The following KANK1 variants were observed in gnomAD, a reference collection of about 807,000 sequenced individuals.
KANK1 encodes the protein KN motif and ankyrin repeat domain-containing protein 1.
A neutral mutation model predicts 106.2 loss-of-function variants in KANK1; 109 were observed. The observed-to-expected ratio is 1.03, with a 90% CI of 0.88 to 1.20. The LOEUF (loss-of-function observed/expected upper bound fraction) is 1.20, where lower values mean the gene tolerates loss of function less well. Ranked by LOEUF, KANK1 falls within the 50% of genes most tolerant of loss-of-function variation. KANK1 has a pLI of 0.00. For synonymous variants in KANK1, 873 were observed against 652.2 expected (o/e 1.34, Z -5.16); for missense variants, 2,399 against 1,710.7 (o/e 1.40, Z -7.10).
intron 8 of KANK1, among the ~76,000 whole-genome samples, chr9:739,240 CTT>C (rs975019828): frequency 4.6e-5 from 7 of 152,142 alleles, no homozygotes; most frequent in African/African-American, 1.7e-4. Context: ...GACCCCAAGT[CTT>C]TTAATTTTTG....
At chr9:624,188 C>T (rs1295132103) in intron 1 of KANK1, among the ~76,000 whole-genome samples, 1 of 152,104 alleles carries the variant, frequency 6.6e-6, no homozygotes, top group Non-Finnish European at 1.5e-5. Flanking sequence ...GTTGAATCCA[C>T]AAGCCAAGAG....
At chr9:705,140 T>C (rs1033815616) in intron 2 of KANK1, among the ~76,000 whole-genome samples, 2 of 152,102 alleles carry the variant, frequency 1.3e-5, no homozygotes, top group African/African-American at 4.8e-5. Context: ...CACTAATATT[T>C]AACGAACAAC....
rs749299248 is a variant in KANK1, at chr9:710,842, G to A, written c.76G>A (p.Glu26Lys). 1 of 1,610,918 alleles carries A rather than the reference G, an allele frequency of 6.2e-7. No individual in the cohort carries two copies. Residue 26 changes from glutamate (E) to lysine (K), a missense_variant, in exon 3 of 12, where the codon GAA becomes AAA. By Grantham distance (56) the Glu-to-Lys change is moderately conservative. Coordinates refer to ENST00000382297, the MANE Select transcript of KANK1 (RefSeq NM_015158.5). ...TATTCTCAGTGGAGACCAGGACAAG[G>A]AACAGAAAGACCCTTACTTTGTGGA... Reference protein sequence around the residue: ...GDILSGDQDKEQKDPYFVETP... With the variant: ...GDILSGDQDKKQKDPYFVETP...
chr9:510,280 A>T (rs2058973398), intron 1 of KANK1, among the ~76,000 whole-genome samples: 1 of 152,198 alleles, frequency 6.6e-6, no homozygotes, highest in South Asian at 2.1e-4. Context: ...AATTTTCTTT[A>T]TATGGTCCTG....
intron 1 of KANK1, among the ~76,000 whole-genome samples, chr9:514,188 C>G (rs1183166427): frequency 1.1e-4 from 10 of 89,694 alleles, no homozygotes; most frequent in Admixed American, 5.5e-4. Flanking sequence ...TCCTCTCTCC[C>G]TCCCTTCCTC....
At chr9:635,585 T>C (rs7026147) in intron 1 of KANK1, among the ~76,000 whole-genome samples, 35,991 of 152,058 alleles carry the variant, frequency 0.24, 4,311 homozygotes, top group East Asian at 0.34. Flanking sequence ...TGTTCCCTTT[T>C]TATTATTAGA....
At chr9:617,129 T>C (rs1362882671) in intron 1 of KANK1, among the ~76,000 whole-genome samples, 1 of 152,182 alleles carries the variant, frequency 6.6e-6, no homozygotes, top group Non-Finnish European at 1.5e-5. Context: ...TTTTCATTCT[T>C]GCAAGGAATC....
intron 1 of KANK1, among the ~76,000 whole-genome samples, chr9:664,602 A>G (rs1204551753): frequency 3.9e-5 from 6 of 152,096 alleles, no homozygotes; most frequent in African/African-American, 1.4e-4. Context: ...TTGATTCCAT[A>G]TTTTGTCTAT....
chr9:619,379 C>CTAAT (rs1213928387), intron 1 of KANK1, among the ~76,000 whole-genome samples: 1 of 152,162 alleles, frequency 6.6e-6, no homozygotes, highest in Non-Finnish European at 1.5e-5. Context: ...CAGGGACAGG[C>CTAAT]TGATGTGAGA....
chr9:498,474 T>C lies in KANK1; in HGVS notation c.-362+25201T>C, dbSNP rs111337161. On this transcript the variant is annotated intron_variant, in intron 3 of 15. Coordinates refer to the KANK1 transcript ENST00000382303. ...AAACATGGGCATGCTGTCAGTAGGA[T>C]AGTCCTCCTTGTGACCCACAACTGA... 3.1e-3 allele frequency among the ~76,000 whole-genome samples: 471 copies of C among 152,318 alleles called. 3 individuals are homozygous for C. Among genetic ancestry groups the C allele is most frequent in the African/African-American group, 0.011 (454 of 41,564 alleles).
intron 1 of KANK1, among the ~76,000 whole-genome samples, chr9:587,919 A>C (rs906544836): frequency 6.6e-6 from 1 of 152,182 alleles, no homozygotes; most frequent in Non-Finnish European, 1.5e-5. Flanking sequence ...TACAAAAATT[A>C]GCTGGGCGTG....
intron 2 of KANK1, among the ~76,000 whole-genome samples, chr9:705,031 G>A (rs1040858988): frequency 3.5e-5 from 5 of 143,840 alleles, no homozygotes; most frequent in African/African-American, 7.7e-5. Context: ...CAATACCCAC[G>A]TGTTGTAAAA....
intron 1 of KANK1, among the ~76,000 whole-genome samples, chr9:641,301 A>C (rs1280971659): frequency 6.6e-6 from 1 of 152,236 alleles, no homozygotes; most frequent in Non-Finnish European, 1.5e-5. Flanking sequence ...TCAGATAAAC[A>C]AATAAAAGTC....
At chr9:592,004 C>G (rs2804282) in intron 1 of KANK1, among the ~76,000 whole-genome samples, 90,973 of 151,460 alleles carry the variant, frequency 0.6, 29,279 homozygotes, top group South Asian at 0.77. Context: ...GTTTCCCCCT[C>G]CAGCCTGTAA....
chr9:538,936 A>C (rs896946679), intron 1 of KANK1, among the ~76,000 whole-genome samples: 1 of 152,204 alleles, frequency 6.6e-6, no homozygotes, highest in Non-Finnish European at 1.5e-5. Context: ...GCTGGAGTAC[A>C]GTGACACAAT....
chr9:641,508 G>A (rs1301961926), intron 1 of KANK1, among the ~76,000 whole-genome samples: 1 of 152,100 alleles, frequency 6.6e-6, no homozygotes, highest in African/African-American at 2.4e-5. Context: ...CATGCAAATG[G>A]AGCTGCTGCA....
chr9:517,026 C>CACACACACACACACACACACACACAT (rs3219532), intron 1 of KANK1, among the ~76,000 whole-genome samples: 1 of 151,408 alleles, frequency 6.6e-6, no homozygotes, highest in Admixed American at 6.6e-5. Flanking sequence ...CACACACACA[C>CACACACACACACACACACACACACAT]ATCCGTCTTG....
intron 1 of KANK1, among the ~76,000 whole-genome samples, chr9:610,231 C>G (rs1420415875): frequency 1.3e-5 from 2 of 152,068 alleles, no homozygotes; most frequent in Admixed American, 6.6e-5. Flanking sequence ...TTACGTTTAT[C>G]AAAAACTCTT....
intron 2 of KANK1, among the ~76,000 whole-genome samples, chr9:686,193 C>G (rs1388513797): frequency 1.3e-5 from 2 of 152,200 alleles, no homozygotes; most frequent in Admixed American, 1.3e-4. Context: ...CAGTATCCCC[C>G]TCATGTAAGT....
Sources: gnomAD v4.1 joint callset for allele counts (sites outside exome capture counted in the v4.1 genomes callset) on GRCh38, gnomAD v4.1.1 for gene constraint, MANE v1.5 for transcripts, NCBI Gene and HGNC (gene_info 2026-07-23, HGNC 2026-07-21) for gene names.